Variants in MTMR8 observed in about 807,000 individuals in gnomAD.
MTMR8 encodes myotubularin related protein 8.
In MTMR8, 65 loss-of-function variants were observed where a neutral mutation model predicts 39.3. The observed-to-expected ratio is 1.65, with a 90% CI of 1.35 to 2.03. The LOEUF (loss-of-function observed/expected upper bound fraction) is 2.03, where lower values mean the gene tolerates loss of function less well. MTMR8 is among the 30% of genes most tolerant of loss of function. MTMR8 has a pLI of 0.00. For synonymous variants in MTMR8, 245 were observed against 185.2 expected, an observed-to-expected ratio of 1.32 and a Z score of -2.62; for missense variants, 777 against 538.9, an observed-to-expected ratio of 1.44 and a Z score of -4.37.
At chrX:64,324,564 A>C (rs1471247720) in intron 12 of MTMR8, among the ~76,000 whole-genome samples, 1 of 110,117 alleles carries the variant, frequency 9.1e-6, no homozygotes, top group Non-Finnish European at 1.9e-5. Context: ...ATGCACCTGT[A>C]GTCCCAGATA....
chrX:64,300,097 T>C (rs12380933), intron 12 of MTMR8, among the ~76,000 whole-genome samples: 179 of 101,420 alleles, frequency 1.8e-3, no homozygotes, highest in Non-Finnish European at 3.0e-3. Flanking sequence ...CTATTAGGTC[T>C]GCTTGGTGCA....
chrX:64,301,536 C>G (rs1350616142), intron 12 of MTMR8, among the ~76,000 whole-genome samples: 1 of 111,099 alleles, frequency 9.0e-6, no homozygotes, highest in Non-Finnish European at 1.9e-5. Context: ...CCTCCCGTAG[C>G]TCAGAGTAAT....
intron 12 of MTMR8, among the ~76,000 whole-genome samples, chrX:64,304,095 C>T (rs189820600): frequency 9.9e-4 from 111 of 111,865 alleles, no homozygotes; most frequent in African/African-American, 3.5e-3. Flanking sequence ...AGTGCAAATG[C>T]ACAGGGAAAC....
rs751873098 is a variant in MTMR8, at chrX:64,367,146, CCAGA to C, written c.25-7623_25-7620del. Among the ~76,000 whole-genome samples, 212 of 111,423 alleles carry C rather than the reference CCAGA, an allele frequency of 1.9e-3. 2 individuals carry two copies. Among genetic ancestry groups the C allele is most frequent in the African/African-American group, 6.2e-3 (191 of 30,669 alleles). ...CTATCAACCAAAAAAAAGTCCAGGA[CCAGA>C]CAGATTCATAGCCGAATTCTACCAG... is the stretch of plus-strand genomic sequence containing the variant. On this transcript the variant is annotated intron_variant, in intron 1 of 13. Coordinates refer to ENST00000374852, the MANE Select transcript of MTMR8 (RefSeq NM_017677.4).
chrX:64,328,643 G>T, intron 12 of MTMR8, 129 bp downstream of exon 12: 1 of 586,274 alleles, frequency 1.7e-6, no homozygotes, highest in Non-Finnish European at 2.4e-6. Context: ...ATGTATGGGT[G>T]ATATGAGGAC....
At chrX:64,347,864 A>G (rs774345031) in intron 6 of MTMR8, among the ~76,000 whole-genome samples, 1 of 112,280 alleles carries the variant, frequency 8.9e-6, no homozygotes, top group Non-Finnish European at 1.9e-5. Context: ...TGCAGAGAGG[A>G]GTTTAAGCTG....
intron 1 of MTMR8, among the ~76,000 whole-genome samples, chrX:64,377,831 A>G (rs1486126706): frequency 8.9e-6 from 1 of 112,085 alleles, no homozygotes; most frequent in Non-Finnish European, 1.9e-5. Context: ...TCCCCACCCA[A>G]ATATCATGTC....
chrX:64,278,032 T>G (rs1602103064), intron 12 of MTMR8, among the ~76,000 whole-genome samples: 1 of 109,133 alleles, frequency 9.2e-6, no homozygotes, highest in African/African-American at 3.3e-5. Context: ...CTATTGATAC[T>G]TGTGTATGCT....
At chrX:64,355,200 G>T (rs1923591952) in intron 3 of MTMR8, among the ~76,000 whole-genome samples, 1 of 111,976 alleles carries the variant, frequency 8.9e-6, no homozygotes. Flanking sequence ...AAAAAAGAAT[G>T]CTGGATAATT....
In MTMR8 at chrX:64,340,688, C is replaced by T. The variant is rs987858429; in HGVS notation, c.975+2923G>A. ...TTTTGACTTCTCAATTAAGCAGACA[C>T]CTCAGGTAGTAGCAGAACATGACGG... On this transcript the variant is annotated intron_variant, in intron 8 of 13. Transcript: ENST00000374852. Among the ~76,000 whole-genome samples the T allele has an allele frequency of 2.7e-5, 3 of 111,945 alleles. No homozygotes were observed. The Admixed American group carries it at 2.8e-4, about 11-fold the overall frequency.
chrX:64,370,163 C>T (rs1010901933), intron 1 of MTMR8, among the ~76,000 whole-genome samples: 4 of 110,821 alleles, frequency 3.6e-5, no homozygotes, highest in African/African-American at 9.9e-5. Context: ...CAATGCAATA[C>T]ACCTGAGGTT....
At chrX:64,366,811 C>A (rs990299721) in intron 1 of MTMR8, among the ~76,000 whole-genome samples, 1 of 111,471 alleles carries the variant, frequency 9.0e-6, no homozygotes, top group African/African-American at 3.3e-5. Flanking sequence ...ATCAATGAAT[C>A]CAGGAGCTGG....
At chrX:64,320,449 G>T (rs1016993764) in intron 12 of MTMR8, among the ~76,000 whole-genome samples, 9 of 110,610 alleles carry the variant, frequency 8.1e-5, no homozygotes, top group African/African-American at 3.0e-4. Context: ...ATATATTTTG[G>T]CCTGCCTGGT....
intron 1 of MTMR8, among the ~76,000 whole-genome samples, chrX:64,391,636 C>A (rs758735566): frequency 1.8e-5 from 2 of 112,050 alleles, no homozygotes; most frequent in Non-Finnish European, 3.8e-5. Context: ...TAATTAATAA[C>A]GATGATGATA....
chrX:64,326,988 G>T (rs913493326), intron 12 of MTMR8, among the ~76,000 whole-genome samples: 32 of 110,884 alleles, frequency 2.9e-4, no homozygotes, highest in African/African-American at 1.0e-3. Flanking sequence ...ATATGCAGAA[G>T]AATGGAACTA....
intron 12 of MTMR8, among the ~76,000 whole-genome samples, chrX:64,298,590 C>A: frequency 1.1e-5 from 1 of 92,551 alleles, no homozygotes; most frequent in African/African-American, 6.9e-5. Flanking sequence ...TGTCTAATTG[C>A]CCTGGCCAGA....
chrX:64,377,614 G>A (rs1008022224), intron 1 of MTMR8, among the ~76,000 whole-genome samples: 2 of 112,582 alleles, frequency 1.8e-5, no homozygotes, highest in Non-Finnish European at 3.7e-5. Flanking sequence ...GTATCTGGAA[G>A]TAACTAACTT....
intron 12 of MTMR8, among the ~76,000 whole-genome samples, chrX:64,311,767 CTTTTTTT>C (rs1193336126): frequency 4.9e-5 from 4 of 80,918 alleles, no homozygotes; most frequent in East Asian, 7.6e-4. Context: ...TTCCCCATTG[CTTTTTTT>C]TTTTTTTTTT....
intron 12 of MTMR8, among the ~76,000 whole-genome samples, chrX:64,312,952 C>G (rs1379907109): frequency 1.8e-5 from 2 of 112,389 alleles, no homozygotes; most frequent in Non-Finnish European, 3.8e-5. Context: ...AGCAGACATG[C>G]TATCATCTAG....
Sources: allele counts gnomAD v4.1 joint callset (sites outside exome capture counted in the v4.1 genomes callset), GRCh38; gene constraint gnomAD v4.1.1; transcripts MANE v1.5; gene names NCBI Gene and HGNC (gene_info 2026-07-23, HGNC 2026-07-21).